Variants in MMS22L observed in about 807,000 individuals in gnomAD.
The protein encoded by MMS22L is MMS22 like, DNA repair protein.
A neutral mutation model predicts 159.1 loss-of-function variants in MMS22L; 74 were observed. That is an observed-to-expected ratio of 0.47 (90% CI 0.39 to 0.56). MMS22L has a LOEUF of 0.56. Among genes scored for constraint, MMS22L ranks in the 20% least tolerant of loss-of-function variants. The probability of loss-of-function intolerance (pLI) is 0.00; values close to 1 mark genes in which losing one functional copy is unlikely to be tolerated. For missense variants in MMS22L, 1,351 were observed against 1,422.1 expected (o/e 0.95, Z 0.80); for synonymous variants, 517 against 506.9 (o/e 1.02, Z -0.27).
chr6:97,263,067 T>G (rs1197017634), intron 9 of MMS22L, among the ~76,000 whole-genome samples: 1 of 152,186 alleles, frequency 6.6e-6, no homozygotes, highest in Non-Finnish European at 1.5e-5. Flanking sequence ...GTCTGAAAGA[T>G]TTCTGATAGA....
intron 14 of MMS22L, among the ~76,000 whole-genome samples, chr6:97,196,386 A>G (rs1806508795): frequency 6.6e-6 from 1 of 152,348 alleles, no homozygotes; most frequent in South Asian, 2.1e-4. Flanking sequence ...TGCATGGTAC[A>G]TGAAGGGATT....
intron 10 of MMS22L, among the ~76,000 whole-genome samples, chr6:97,248,036 T>C (rs11153468): frequency 0.64 from 97,998 of 152,070 alleles, 33,094 homozygotes; most frequent in Non-Finnish European, 0.76. Context: ...ATTTATGCTT[T>C]CTACAATTCC....
chr6:97,206,236 A>G (rs1309321298), intron 14 of MMS22L, among the ~76,000 whole-genome samples: 1 of 152,096 alleles, frequency 6.6e-6, no homozygotes, highest in Non-Finnish European at 1.5e-5. Flanking sequence ...CATTTTATTG[A>G]AATGATTTTT....
Position 97,186,624 on chromosome 6 carries a change from T to A in MMS22L, c.2106A>T (p.Ser702=). 1 of 1,611,740 alleles carries A rather than the reference T, an allele frequency of 6.2e-7. No individual in the cohort carries two copies. Among genetic ancestry groups the A allele is most frequent in the Non-Finnish European group, 8.5e-7 (1 of 1,179,026 alleles). Residue 702 remains serine, a synonymous_variant, in exon 15 of 25, where the codon TCA becomes TCT. Coordinates refer to ENST00000683635, the MANE Select transcript of MMS22L (RefSeq NM_001350599.2). ...CAAGGTGGCGCTCTTTAGCCGATAA[T>A]GAAGACTGTACAAATAGGTCCACAT... ...RDNVDLFVQS[S]LSAKERHLAA... is the part of the protein sequence containing the mutation.
In MMS22L at chr6:97,270,238, T is replaced by G. The variant is rs575669169; in HGVS notation, c.607-246A>C. On this transcript the variant is annotated intron_variant, in intron 6 of 24. Transcript: ENST00000683635. ...CCCACCTTGGGGCTGCTGAATAGAC[T>G]TGTATAGTAAAGGTACCTTCCAACC... is the stretch of plus-strand genomic sequence containing the variant. The G allele has an allele frequency of 6.7e-6, 4 of 599,564 alleles. No homozygotes were observed. The East Asian group carries it at 1.4e-4, about 21-fold the overall frequency. 37.1% of individuals were successfully genotyped at this position (599,564 alleles called of 1,614,324 possible).
chr6:97,158,583 G>C (rs1191207798), intron 22 of MMS22L, among the ~76,000 whole-genome samples: 1 of 151,992 alleles, frequency 6.6e-6, no homozygotes, highest in Non-Finnish European at 1.5e-5. Flanking sequence ...GTAGTCACTC[G>C]GGAGCAGCTT....
intron 8 of MMS22L, chr6:97,266,484 T>TCACTTAACAG (rs374745066): frequency 6.6e-6 from 1 of 152,208 alleles, no homozygotes; most frequent in African/African-American, 2.4e-5. Context: ...CAGTCATGTG[T>TCACTTAACAG]CACTTAACAG....
chr6:97,197,481 A>G (rs988460244), intron 14 of MMS22L, among the ~76,000 whole-genome samples: 2 of 152,184 alleles, frequency 1.3e-5, no homozygotes, highest in Admixed American at 1.3e-4. Context: ...TTGGGGTTAA[A>G]GGCACTCAGA....
chr6:97,238,572 C>CGTGTGTGTGTGTGTGTGTGTGT (rs71740630), intron 11 of MMS22L, among the ~76,000 whole-genome samples: 4 of 91,536 alleles, frequency 4.4e-5, no homozygotes, highest in African/African-American at 1.4e-4. Flanking sequence ...TGTCTCATCT[C>CGTGTGTGTGTGTGTGTGTGTGT]GTGTGTGTGT....
chr6:97,217,470 G>T (rs1284973000), intron 14 of MMS22L, among the ~76,000 whole-genome samples: 1 of 152,106 alleles, frequency 6.6e-6, no homozygotes, highest in Non-Finnish European at 1.5e-5. Context: ...GGCCAGGCTG[G>T]TCTCAAACTC....
chr6:97,276,572 C>T (rs1280525013), intron 4 of MMS22L, among the ~76,000 whole-genome samples: 1 of 152,220 alleles, frequency 6.6e-6, no homozygotes, highest in African/African-American at 2.4e-5. Flanking sequence ...CCAAATTCAT[C>T]ACTCACACAC....
chr6:97,255,983 T>G (rs1813765198), intron 9 of MMS22L, among the ~76,000 whole-genome samples: 1 of 152,106 alleles, frequency 6.6e-6, no homozygotes, highest in Admixed American at 6.6e-5. Context: ...ATATATTCTG[T>G]TTTAGAATAT....
intron 4 of MMS22L, among the ~76,000 whole-genome samples, chr6:97,276,841 C>T (rs539630212): frequency 6.6e-6 from 1 of 152,288 alleles, no homozygotes; most frequent in East Asian, 1.9e-4. Flanking sequence ...TCCTTTATCA[C>T]CGTACCTTTT....
chr6:97,251,375 C>T (rs1218568172), intron 10 of MMS22L, among the ~76,000 whole-genome samples: 1 of 152,120 alleles, frequency 6.6e-6, no homozygotes, highest in African/African-American at 2.4e-5. Context: ...TGAGATAATA[C>T]ACAGTCACTG....
chr6:97,214,241 A>G lies in MMS22L; in HGVS notation c.2039+14653T>C, dbSNP rs1001595926. Among the ~76,000 whole-genome samples the G allele has an allele frequency of 1.2e-4, 19 of 152,230 alleles. 1 individual carries two copies. The highest frequency in any genetic ancestry group is 7.9e-4 in the Admixed American group (12 of 15,272). ...GAGCCCTGCCAAGACACACAGGAGC[A>G]CATTCCCCACAGCCTTGTATCTAAT... On this transcript the variant is annotated intron_variant, in intron 14 of 24. Transcript: ENST00000683635.
Position 97,281,404 on chromosome 6 carries a change from G to T in MMS22L, c.165-42C>A, listed in dbSNP as rs539497145. 3.3e-4 allele frequency: 501 copies of T among 1,496,964 alleles called. 11 individuals are homozygous for T. In the South Asian group the frequency reaches 5.8e-3, roughly 17 times the overall value. The allele number at this position is 1,496,964 out of a possible 1,614,324, so 92.7% of individuals were successfully genotyped here. A position where few individuals can be genotyped will look rare whatever the true frequency, so the allele number is the denominator to read the frequency against. On this transcript the variant is annotated intron_variant, in intron 2 of 24. Transcript: ENST00000683635. ...TTCAATCTCATAAAAAGTATACTAA[G>T]TACCATAATACGACGGCTCTTTTCT...
intron 18 of MMS22L, among the ~76,000 whole-genome samples, chr6:97,178,136 T>C (rs1216353238): frequency 1.3e-5 from 2 of 152,148 alleles, no homozygotes; most frequent in African/African-American, 2.4e-5. Flanking sequence ...ATCTGAACAA[T>C]GCGGTTGTCC....
intron 18 of MMS22L, 127 bp downstream of exon 18, chr6:97,178,316 C>T: frequency 1.5e-6 from 1 of 671,180 alleles, no homozygotes; most frequent in Non-Finnish European, 2.4e-6. Flanking sequence ...TTTATAATAG[C>T]AGGCAATCAA....
In MMS22L at chr6:97,206,622, T is replaced by C. The variant is rs984019497; in HGVS notation, c.2040-19932A>G. On this transcript the variant is annotated intron_variant, in intron 14 of 24. Transcript: ENST00000683635. ...TGTCCTAACAGTCAAACAATATACC[T>C]ATCAAAAGTACACTTGGAGAAGTGG... Among the ~76,000 whole-genome samples, 14 of 152,294 alleles carry C rather than the reference T, an allele frequency of 9.2e-5. No homozygotes were observed. In the East Asian group the frequency reaches 1.9e-3, roughly 21 times the overall value.
Sources: gnomAD v4.1 joint callset for allele counts (sites outside exome capture counted in the v4.1 genomes callset) on GRCh38, gnomAD v4.1.1 for gene constraint, MANE v1.5 for transcripts, NCBI Gene and HGNC (gene_info 2026-07-23, HGNC 2026-07-21) for gene names.